The following UBE2QL1 variants were observed in gnomAD, a reference collection of about 807,000 sequenced individuals.
UBE2QL1 encodes the protein ubiquitin-conjugating enzyme E2Q-like protein 1.
In UBE2QL1, 5 loss-of-function variants were observed where a neutral mutation model predicts 12.6. That is an observed-to-expected ratio of 0.40 (90% confidence interval 0.21 to 0.83). The LOEUF is 0.83. Ranked by LOEUF, UBE2QL1 falls within the 40% of genes least tolerant of loss-of-function variation. UBE2QL1 has a pLI of 0.37. For synonymous variants in UBE2QL1, 96 were observed against 94.5 expected (o/e 1.02, Z -0.10); for missense variants, 99 against 222.6 (o/e 0.44, Z 3.53).
intron 1 of UBE2QL1, among the ~76,000 whole-genome samples, chr5:6,471,912 T>G (rs562848172): frequency 1.2e-4 from 19 of 152,334 alleles, no homozygotes; most frequent in African/African-American, 4.6e-4. Flanking sequence ...GTATTGTGAC[T>G]TTCACTTTTT....
chr5:6,459,487 A>G lies in UBE2QL1; in HGVS notation c.354+10240A>G, dbSNP rs1362964264. Among the ~76,000 whole-genome samples, 6 of 152,158 alleles carry G rather than the reference A, an allele frequency of 3.9e-5. No individual in the cohort carries two copies. In the East Asian group the frequency reaches 9.7e-4, roughly 25 times the overall value. On this transcript the variant is annotated intron_variant, in intron 1 of 1. Transcript: ENST00000399816. ...CTGCTGCCCCAAACCCCTCGAAGCC[A>G]CCTGGAGGACTGCATGGCCTCGAGG...
intron 1 of UBE2QL1, among the ~76,000 whole-genome samples, chr5:6,456,087 C>T (rs912557797): frequency 1.1e-4 from 17 of 152,294 alleles, no homozygotes; most frequent in African/African-American, 3.9e-4. Context: ...GAGTGCCTCC[C>T]GTCATGCAGG....
intron 1 of UBE2QL1, among the ~76,000 whole-genome samples, chr5:6,470,395 T>C (rs1176524065): frequency 6.6e-6 from 1 of 152,244 alleles, no homozygotes; most frequent in Non-Finnish European, 1.5e-5. Flanking sequence ...TGTAAAACTC[T>C]TAAGAATTTT....
chr5:6,470,716 G>T (rs953876459), intron 1 of UBE2QL1, among the ~76,000 whole-genome samples: 4 of 152,200 alleles, frequency 2.6e-5, no homozygotes, highest in African/African-American at 9.7e-5. Flanking sequence ...AGCCCTGTCG[G>T]GTGACAGTTA....
At chr5:6,473,441 C>A (rs938625940) in intron 1 of UBE2QL1, among the ~76,000 whole-genome samples, 10 of 152,188 alleles carry the variant, frequency 6.6e-5, no homozygotes, top group Admixed American at 6.5e-5. Flanking sequence ...AGCATCAGCG[C>A]CCGACTGTCT....
intron 1 of UBE2QL1, among the ~76,000 whole-genome samples, chr5:6,467,777 C>G (rs1041215344): frequency 3.9e-5 from 6 of 151,992 alleles, no homozygotes; most frequent in Non-Finnish European, 7.4e-5. Context: ...TCCACCCGCG[C>G]CCCCCAGACT....
At chr5:6,473,597 C>A (rs1265889248) in intron 1 of UBE2QL1, among the ~76,000 whole-genome samples, 1 of 152,200 alleles carries the variant, frequency 6.6e-6, no homozygotes, top group Admixed American at 6.5e-5. Context: ...AAATTCAGTT[C>A]CTCAAAAATA....
At chr5:6,459,062 C>T (rs1219230318) in intron 1 of UBE2QL1, among the ~76,000 whole-genome samples, 1 of 152,040 alleles carries the variant, frequency 6.6e-6, no homozygotes, top group Non-Finnish European at 1.5e-5. Flanking sequence ...AGGGGAAGTG[C>T]CTTCATCCAA....
chr5:6,468,438 G>A (rs552847545), intron 1 of UBE2QL1, among the ~76,000 whole-genome samples: 1 of 152,346 alleles, frequency 6.6e-6, no homozygotes, highest in South Asian at 2.1e-4. Flanking sequence ...GAGTCAGGCA[G>A]GCAGTGCAGA....
chr5:6,451,126 T>G (rs184555191), intron 1 of UBE2QL1, among the ~76,000 whole-genome samples: 166 of 152,354 alleles, frequency 1.1e-3, no homozygotes, highest in Non-Finnish European at 2.0e-3. Flanking sequence ...GGAATGTGTA[T>G]TCCCTTCTGG....
At chr5:6,469,851 C>T (rs573360542) in intron 1 of UBE2QL1, among the ~76,000 whole-genome samples, 5 of 152,122 alleles carry the variant, frequency 3.3e-5, no homozygotes, top group African/African-American at 9.6e-5. Context: ...GCCCTCATGA[C>T]GATAACAATT....
chr5:6,482,655 A>T (rs552899355), intron 1 of UBE2QL1, among the ~76,000 whole-genome samples: 1 of 152,166 alleles, frequency 6.6e-6, no homozygotes, highest in African/African-American at 2.4e-5. Flanking sequence ...AGGCAGAGAC[A>T]TTTTTGGTTG....
chr5:6,490,429 A>G (rs1207445170), intron 1 of UBE2QL1, among the ~76,000 whole-genome samples: 1 of 152,238 alleles, frequency 6.6e-6, no homozygotes, highest in Non-Finnish European at 1.5e-5. Context: ...CCTTTTGACC[A>G]CTGCAGAGAC....
intron 1 of UBE2QL1, among the ~76,000 whole-genome samples, chr5:6,482,889 G>A (rs1407578923): frequency 2.0e-5 from 3 of 152,146 alleles, no homozygotes; most frequent in African/African-American, 7.2e-5. Flanking sequence ...CCCAAGCAGA[G>A]GCACTCTCAT....
intron 1 of UBE2QL1, among the ~76,000 whole-genome samples, chr5:6,456,310 G>A (rs2651943): frequency 0.19 from 28,282 of 152,024 alleles, 2,961 homozygotes; most frequent in East Asian, 0.48. Flanking sequence ...GCACAGTGGG[G>A]TCCTGGGATC....
intron 1 of UBE2QL1, among the ~76,000 whole-genome samples, chr5:6,473,177 T>G (rs1167536541): frequency 1.3e-5 from 2 of 152,242 alleles, no homozygotes; most frequent in Non-Finnish European, 2.9e-5. Flanking sequence ...CAACCCCCTC[T>G]GCTCTTCCTT....
chr5:6,494,334 C>T lies in UBE2QL1; in HGVS notation c.*2985C>T, dbSNP rs1363082934. 6.6e-6 allele frequency: 1 copy of T among 152,184 alleles called. No homozygotes were observed. The highest frequency in any genetic ancestry group is 1.5e-5 in the Non-Finnish European group (1 of 68,040). 9.4% of individuals were successfully genotyped at this position (152,184 alleles called of 1,614,324 possible). On this transcript the variant is annotated 3_prime_UTR_variant, in exon 2 of 2. Coordinates refer to ENST00000399816, the MANE Select transcript of UBE2QL1 (RefSeq NM_001145161.3). ...ACACACACGCACATGTGCCAATACT[C>T]CTGCAAAGACTTGCTGTTTCTAAAA...
intron 1 of UBE2QL1, among the ~76,000 whole-genome samples, chr5:6,480,537 A>G (rs1443780491): frequency 1.3e-5 from 2 of 152,252 alleles, no homozygotes; most frequent in Admixed American, 6.5e-5. Context: ...TGGGATCTCC[A>G]AAAAATAACC....
rs527481873 is a variant in UBE2QL1, at chr5:6,457,003, C to T, written c.354+7756C>T. 3.0e-4 allele frequency among the ~76,000 whole-genome samples: 46 copies of T among 151,866 alleles called. No individual in the cohort carries two copies. The South Asian group carries it at 9.6e-3, about 32-fold the overall frequency. Reference sequence around the variant, plus strand: ...GTGCTCCTGCCTCGTGGGTGCCTGTCCTCTGCTTGGATTCCTGCAGTGCCC... The same window carrying T: ...GTGCTCCTGCCTCGTGGGTGCCTGTTCTCTGCTTGGATTCCTGCAGTGCCC... On this transcript the variant is annotated intron_variant, in intron 1 of 1. Transcript: ENST00000399816.
Sources: allele counts gnomAD v4.1 joint callset (sites outside exome capture counted in the v4.1 genomes callset), GRCh38; gene constraint gnomAD v4.1.1; transcripts MANE v1.5; gene names NCBI Gene and HGNC (gene_info 2026-07-23, HGNC 2026-07-21).